Variants in EML6 observed in about 807,000 individuals in gnomAD.
EML6 encodes echinoderm microtubule-associated protein-like 6.
In EML6, 154 loss-of-function variants were observed where a neutral mutation model predicts 240.1. That is an observed-to-expected ratio of 0.64 (90% CI 0.56 to 0.73). The LOEUF is 0.73. Ranked by LOEUF, EML6 falls within the 30% of genes least tolerant of loss-of-function variation. EML6 has a pLI of 0.00. For synonymous variants in EML6, 1,148 were observed against 899.0 expected (o/e 1.28, Z -4.95); for missense variants, 2,964 against 2,474.6 (o/e 1.20, Z -4.20).
intron 21 of EML6, among the ~76,000 whole-genome samples, chr2:54,898,862 T>C (rs1364020905): frequency 6.6e-6 from 1 of 152,254 alleles, no homozygotes; most frequent in African/African-American, 2.4e-5. Flanking sequence ...TGAAAAATTA[T>C]GAGAATCAAA....
chr2:54,928,521 C>T lies in EML6; in HGVS notation c.3877+7C>T, dbSNP rs1230718593. On this transcript the variant is annotated splice_region_variant and intron_variant, in intron 27 of 41. Transcript: ENST00000356458. ...GACGTGGAAGAGGATGGAGGTGAGC[C>T]CCCCACCTGCCACATGCCTCCTGCG... 1.9e-6 allele frequency: 3 copies of T among 1,544,176 alleles called. No homozygotes were observed. The highest frequency in any genetic ancestry group is 2.6e-6 in the Non-Finnish European group (3 of 1,142,018).
chr2:54,750,351 T>C (rs1684104552), intron 2 of EML6, among the ~76,000 whole-genome samples: 1 of 152,222 alleles, frequency 6.6e-6, no homozygotes. Flanking sequence ...ATTAGGTTGC[T>C]TGCTCCTCTG....
intron 2 of EML6, among the ~76,000 whole-genome samples, chr2:54,785,121 T>C (rs1256655334): frequency 2.6e-5 from 4 of 151,030 alleles, no homozygotes; most frequent in South Asian, 2.1e-4. Context: ...CTAAACATGA[T>C]GAAAAATACG....
At chr2:54,841,029 A>C (rs1669418890) in intron 7 of EML6, among the ~76,000 whole-genome samples, 1 of 152,198 alleles carries the variant, frequency 6.6e-6, no homozygotes, top group South Asian at 2.1e-4. Context: ...CCAGGGAGAA[A>C]ACGGGAATAT....
At chr2:54,860,770 C>G (rs1024511411) in intron 12 of EML6, among the ~76,000 whole-genome samples, 1 of 152,218 alleles carries the variant, frequency 6.6e-6, no homozygotes, top group African/African-American at 2.4e-5. Flanking sequence ...GGCTTCTTCT[C>G]TTAGGAGTGG....
rs148182275 is a variant in EML6 at position 54,948,767 on chromosome 2, C to T, written c.4005-115C>T. 6,917 of 733,468 alleles carry T rather than the reference C, an allele frequency of 9.4e-3. 57 individuals carry two copies. Among genetic ancestry groups the T allele is most frequent in the Non-Finnish European group, 0.013 (5,719 of 425,012 alleles). The allele number at this position is 733,468 out of a possible 1,614,324, so 45.4% of individuals were successfully genotyped here. A position where few individuals can be genotyped will look rare whatever the true frequency, so the allele number is the denominator to read the frequency against. ...GACTGAACAGATCCAAGTGGAGGGG[C>T]CTTTGAGGCGGGAGGAGAGAGGAGG... On this transcript the variant is annotated intron_variant, in intron 28 of 41. Coordinates refer to ENST00000356458, the MANE Select transcript of EML6 (RefSeq NM_001039753.4).
intron 2 of EML6, among the ~76,000 whole-genome samples, chr2:54,770,492 T>C (rs1004434488): frequency 6.6e-6 from 1 of 152,208 alleles, no homozygotes; most frequent in Non-Finnish European, 1.5e-5. Flanking sequence ...GCTTCTGTAA[T>C]AGAGAAACCA....
At chr2:54,915,368 A>G (rs939238587) in intron 25 of EML6, among the ~76,000 whole-genome samples, 3 of 152,276 alleles carry the variant, frequency 2.0e-5, no homozygotes, top group South Asian at 2.1e-4. Context: ...GATGGAATCT[A>G]GAATTTGGAA....
At chr2:54,819,774 A>G (rs1404800597) in intron 4 of EML6, among the ~76,000 whole-genome samples, 2 of 8,656 alleles carry the variant, frequency 2.3e-4, no homozygotes, top group African/African-American at 3.5e-4. Flanking sequence ...ACTGTCTCAG[A>G]AAAAAAAAAA....
At chr2:54,906,002 A>C (rs745611762) in intron 24 of EML6, among the ~76,000 whole-genome samples, 1 of 152,252 alleles carries the variant, frequency 6.6e-6, no homozygotes, top group Non-Finnish European at 1.5e-5. Context: ...GTACAAATAT[A>C]TCTTCAAAAC....
chr2:54,842,071 G>A (rs1163249040), intron 7 of EML6, among the ~76,000 whole-genome samples: 7 of 151,982 alleles, frequency 4.6e-5, no homozygotes, highest in Non-Finnish European at 8.8e-5. Context: ...CTACCTTGAC[G>A]TGTCATTATC....
chr2:54,939,104 T>C (rs1346605147), intron 28 of EML6, among the ~76,000 whole-genome samples: 1 of 152,272 alleles, frequency 6.6e-6, no homozygotes, highest in Non-Finnish European at 1.5e-5. Context: ...CAACAAGATT[T>C]AGATTCATTT....
At chr2:54,911,242 T>A (rs3816191) in intron 25 of EML6, among the ~76,000 whole-genome samples, 200 bp downstream of exon 25, 2 of 151,940 alleles carry the variant, frequency 1.3e-5, no homozygotes, top group African/African-American at 4.8e-5. Flanking sequence ...GGTGTAGCAA[T>A]GTACAGTTGG....
At chr2:54,782,151 T>C (rs2103854906) in intron 2 of EML6, among the ~76,000 whole-genome samples, 1 of 152,340 alleles carries the variant, frequency 6.6e-6, no homozygotes, top group South Asian at 2.1e-4. Context: ...AACTAAGTTT[T>C]ATTTTGAATT....
chr2:54,900,130 C>T (rs1164168112), intron 22 of EML6, among the ~76,000 whole-genome samples: 3 of 152,188 alleles, frequency 2.0e-5, no homozygotes, highest in Non-Finnish European at 4.4e-5. Context: ...GTCTCCAGAA[C>T]TTATTTTATG....
At chr2:54,940,943 G>C (rs761762003) in intron 28 of EML6, among the ~76,000 whole-genome samples, 6 of 152,194 alleles carry the variant, frequency 3.9e-5, no homozygotes, top group Non-Finnish European at 7.3e-5. Context: ...TTTGTCAGCA[G>C]GTTTACAATG....
At chr2:54,859,873 G>A (rs1670584142) in intron 12 of EML6, among the ~76,000 whole-genome samples, 172 bp downstream of exon 12, 1 of 152,122 alleles carries the variant, frequency 6.6e-6, no homozygotes, top group Admixed American at 6.5e-5. Context: ...TGGGTCAGTT[G>A]GATAATTTTC....
At chr2:54,781,896 T>C (rs7564290) in intron 2 of EML6, among the ~76,000 whole-genome samples, 2,006 of 152,298 alleles carry the variant, frequency 0.013, 36 homozygotes, top group African/African-American at 0.041. Context: ...CTTGAACTCC[T>C]GGACTCAAGT....
At chr2:54,895,475 G>C in intron 21 of EML6, 75 bp downstream of exon 21, 2 of 1,471,010 alleles carry the variant, frequency 1.4e-6, no homozygotes, top group Non-Finnish European at 1.8e-6. Context: ...TGATGCTTAG[G>C]TTGCAAAACT....
Sources: gnomAD v4.1 joint callset for allele counts (sites outside exome capture counted in the v4.1 genomes callset) on GRCh38, gnomAD v4.1.1 for gene constraint, MANE v1.5 for transcripts, NCBI Gene and HGNC (gene_info 2026-07-23, HGNC 2026-07-21) for gene names.